Variants in ABTB2 observed in about 807,000 individuals in gnomAD.
ABTB2 encodes ankyrin repeat and BTB domain containing 2, also known as ankyrin repeat and BTB/POZ domain-containing protein 2.
ABTB2 carries 56 observed loss-of-function variants against 104.1 expected under a neutral mutation model. The observed-to-expected ratio is 0.54, with a 90% CI of 0.43 to 0.67. The LOEUF is 0.67. Ranked by LOEUF, ABTB2 falls within the 30% of genes least tolerant of loss-of-function variation. ABTB2 has a pLI of 0.00. For synonymous variants in ABTB2, 606 were observed against 608.2 expected, an observed-to-expected ratio of 1.00 and a Z score of 0.05; for missense variants, 1,279 against 1,407.7, an observed-to-expected ratio of 0.91 and a Z score of 1.46.
chr11:34,227,823 A>C (rs111950300), intron 1 of ABTB2, among the ~76,000 whole-genome samples: 2 of 147,814 alleles, frequency 1.4e-5, no homozygotes, highest in African/African-American at 5.0e-5. Context: ...CAACCTCTGC[A>C]TCCCGGGTTC....
chr11:34,293,609 TG>T (rs1156360097), intron 1 of ABTB2, among the ~76,000 whole-genome samples: 1,767 of 152,266 alleles, frequency 0.012, 27 homozygotes, highest in African/African-American at 0.039. Flanking sequence ...AGTGCCCAGC[TG>T]TGTCAAATGC....
chr11:34,217,354 T>C (rs139136832), intron 1 of ABTB2, among the ~76,000 whole-genome samples: 2 of 152,376 alleles, frequency 1.3e-5, no homozygotes, highest in Admixed American at 1.3e-4. Context: ...ACAGTTTATC[T>C]ATCCATTCAC....
intron 3 of ABTB2, among the ~76,000 whole-genome samples, chr11:34,190,272 C>CAAAA (rs61052853): frequency 8.7e-6 from 1 of 115,122 alleles, no homozygotes; most frequent in Non-Finnish European, 1.7e-5. Context: ...GCTGCCCCCC[C>CAAAA]AAAAAAAAAA....
intron 2 of ABTB2, among the ~76,000 whole-genome samples, chr11:34,200,956 G>A (rs12289717): frequency 0.094 from 14,314 of 152,212 alleles, 935 homozygotes; most frequent in African/African-American, 0.19. Flanking sequence ...GCAATTGACA[G>A]TAATTTTATA....
At chr11:34,191,577 C>G (rs1416507654) in intron 3 of ABTB2, among the ~76,000 whole-genome samples, 1 of 152,204 alleles carries the variant, frequency 6.6e-6, no homozygotes, top group African/African-American at 2.4e-5. Flanking sequence ...AACTACATAT[C>G]AGACTTCTCC....
At chr11:34,236,371 G>A (rs1400040151) in intron 1 of ABTB2, among the ~76,000 whole-genome samples, 1 of 152,144 alleles carries the variant, frequency 6.6e-6, no homozygotes, top group South Asian at 2.1e-4. Flanking sequence ...AGAAGGCACA[G>A]GGCAGAAAAC....
At chr11:34,283,148 G>A (rs1368792329) in intron 1 of ABTB2, among the ~76,000 whole-genome samples, 3 of 146,764 alleles carry the variant, frequency 2.0e-5, no homozygotes, top group African/African-American at 7.6e-5. Context: ...TCGATCTCCT[G>A]ACCTCGTGAT....
At chr11:34,170,689 G>A (rs1364700028) in intron 5 of ABTB2, among the ~76,000 whole-genome samples, 4 of 152,194 alleles carry the variant, frequency 2.6e-5, no homozygotes, top group African/African-American at 7.2e-5. Flanking sequence ...CCAGGGAAGC[G>A]GAAGCCACAT....
chr11:34,348,797 G>A (rs932119841), intron 1 of ABTB2, among the ~76,000 whole-genome samples: 10 of 152,164 alleles, frequency 6.6e-5, no homozygotes, highest in African/African-American at 2.4e-4. Context: ...CTAGACAGTG[G>A]AGTCTATCGC....
intron 1 of ABTB2, among the ~76,000 whole-genome samples, chr11:34,271,189 A>G (rs4755365): frequency 0.11 from 17,470 of 152,254 alleles, 1,181 homozygotes; most frequent in Admixed American, 0.21. Flanking sequence ...GAAATAGAAA[A>G]TAAGTCCTTG....
chr11:34,235,062 C>T (rs553245244), intron 1 of ABTB2, among the ~76,000 whole-genome samples: 109 of 152,128 alleles, frequency 7.2e-4, no homozygotes, highest in African/African-American at 2.4e-3. Flanking sequence ...GGGGTTTCAC[C>T]GTGTTAGCCA....
intron 1 of ABTB2, among the ~76,000 whole-genome samples, chr11:34,322,800 C>T (rs761476249): frequency 6.6e-6 from 1 of 152,124 alleles, no homozygotes; most frequent in Non-Finnish European, 1.5e-5. Context: ...GCCCCCCACC[C>T]TCCCAGTAGC....
chr11:34,236,206 GT>G (rs778958937), intron 1 of ABTB2, among the ~76,000 whole-genome samples: 1 of 152,120 alleles, frequency 6.6e-6, no homozygotes, highest in Non-Finnish European at 1.5e-5. Flanking sequence ...TTAAAATAGA[GT>G]TTTTTCCCTG....
At chr11:34,315,303 G>T (rs1034162901) in intron 1 of ABTB2, among the ~76,000 whole-genome samples, 1 of 152,254 alleles carries the variant, frequency 6.6e-6, no homozygotes, top group Admixed American at 6.5e-5. Context: ...GAATAAACAC[G>T]CCCAGTTCAG....
intron 1 of ABTB2, among the ~76,000 whole-genome samples, chr11:34,210,287 A>G (rs1853465832): frequency 6.6e-6 from 1 of 152,210 alleles, no homozygotes; most frequent in South Asian, 2.1e-4. Context: ...TATGTGTGCG[A>G]CAGCACTCAG....
intron 1 of ABTB2, among the ~76,000 whole-genome samples, chr11:34,293,334 C>T (rs1380579245): frequency 6.6e-6 from 1 of 151,888 alleles, no homozygotes; most frequent in Non-Finnish European, 1.5e-5. Context: ...CTGAGGGCAG[C>T]GTCCTGGCTG....
At chr11:34,291,478 T>C (rs1387284110) in intron 1 of ABTB2, among the ~76,000 whole-genome samples, 1 of 152,216 alleles carries the variant, frequency 6.6e-6, no homozygotes, top group East Asian at 1.9e-4. Flanking sequence ...AAAACTATCC[T>C]TCTAACTGAT....
At chr11:34,172,958 C>A (rs1459151551) in intron 4 of ABTB2, among the ~76,000 whole-genome samples, 197 bp downstream of exon 4, 3 of 152,224 alleles carry the variant, frequency 2.0e-5, no homozygotes, top group Non-Finnish European at 4.4e-5. Context: ...CGTTTCCAGA[C>A]AGCAGCCAAA....
chr11:34,241,358 G>A (rs1407638341), intron 1 of ABTB2, among the ~76,000 whole-genome samples: 1 of 152,130 alleles, frequency 6.6e-6, no homozygotes, highest in African/African-American at 2.4e-5. Context: ...GGGAGAGGAG[G>A]TGACATTTAA....
Sources: allele counts gnomAD v4.1 joint callset (sites outside exome capture counted in the v4.1 genomes callset), GRCh38; gene constraint gnomAD v4.1.1; transcripts MANE v1.5; gene names NCBI Gene and HGNC (gene_info 2026-07-23, HGNC 2026-07-21).